Variants in ZXDC observed in about 807,000 individuals in gnomAD.
ZXDC encodes the protein ZXD family zinc finger C, also known as zinc finger protein ZXDC.
In ZXDC, 58 loss-of-function variants were observed where a neutral mutation model predicts 63.6. The ratio of observed to expected loss-of-function variants is 0.91; its 90% CI spans 0.74 to 1.13. ZXDC has a LOEUF of 1.13. Among genes scored for constraint, ZXDC ranks in the 50% most tolerant of loss-of-function variants. ZXDC has a pLI of 0.00. For missense variants in ZXDC, 1,133 were observed against 1,148.9 expected (o/e 0.99, Z 0.20); for synonymous variants, 561 against 496.1 (o/e 1.13, Z -1.74).
Position 126,439,683 on chromosome 3 carries a change from T to TGGGCCGC in ZXDC, c.2432_2438dup (p.Ala814ArgfsTer67), listed in dbSNP as rs1560086849. 3.2e-6 allele frequency: 5 copies of TGGGCCGC among 1,553,220 alleles called. No individual in the cohort carries two copies. Among genetic ancestry groups the TGGGCCGC allele is most frequent in the Non-Finnish European group, 4.4e-6 (5 of 1,147,674 alleles). Reference sequence around the variant, plus strand: ...CAGTGAGGAAGGGGAGGAAGGTGGCTGGGCCGCGGGCCGAGGGCAGGACAC... The same window carrying TGGGCCGC: ...CAGTGAGGAAGGGGAGGAAGGTGGCTGGGCCGCGGGCCGCGGGCCGAGGGCAGGACAC... On this transcript the variant is annotated frameshift_variant, in exon 9 of 10. Transcript: ENST00000389709. LOFTEE classifies it high-confidence loss of function.
chr3:126,462,368 T>A, intron 5 of ZXDC, 148 bp from the exon 6 acceptor site: 1 of 1,376,928 alleles, frequency 7.3e-7, no homozygotes, highest in Non-Finnish European at 9.5e-7. Flanking sequence ...CACGACAGAG[T>A]CCCATGGCCG....
intron 6 of ZXDC, 112 bp from the exon 7 acceptor site, chr3:126,459,849 A>G: frequency 6.3e-7 from 1 of 1,577,442 alleles, no homozygotes; most frequent in South Asian, 1.2e-5. Flanking sequence ...AGCTCCCAAA[A>G]CCAGAGTCAC....
intron 6 of ZXDC, chr3:126,460,479 C>T: frequency 1.0e-6 from 1 of 985,418 alleles, no homozygotes; most frequent in Non-Finnish European, 1.2e-6. Context: ...CAAGGTCTTG[C>T]TGGCTTCTCT....
intron 7 of ZXDC, chr3:126,450,225 C>T (rs1190041722): frequency 2.4e-6 from 1 of 414,604 alleles, no homozygotes; most frequent in Non-Finnish European, 4.9e-6. Flanking sequence ...TCACCCTTTA[C>T]CTGCCAGGGC....
At chr3:126,471,467 A>G (rs994516632) in intron 3 of ZXDC, among the ~76,000 whole-genome samples, 7 of 152,202 alleles carry the variant, frequency 4.6e-5, no homozygotes, top group Non-Finnish European at 4.4e-5. Context: ...CCTAAGTGAC[A>G]TTTTTATATT....
At position 126,453,841 on chromosome 3, in the gene ZXDC, AG is replaced by A. The variant is rs1934205347; in HGVS notation, c.2212+5811del. On this transcript the variant is annotated intron_variant, in intron 7 of 9. Transcript: ENST00000389709. ...TCCTGAGTAGCTGAGCTGGGATTAC[AG>A]GCATGAGCCACCGCGCCCAGCCTCG... 1.7e-5 allele frequency: 17 copies of A among 984,770 alleles called. No homozygotes were observed. The Admixed American group carries it at 1.0e-3, about 61-fold the overall frequency. The allele number at this position is 984,770 out of a possible 1,614,324, so 61.0% of individuals were successfully genotyped here. A position where few individuals can be genotyped will look rare whatever the true frequency, so the allele number is the denominator to read the frequency against.
chr3:126,475,043 C>T lies in ZXDC; in HGVS notation c.823G>A (p.Glu275Lys), dbSNP rs1337514826. 4.4e-6 allele frequency: 7 copies of T among 1,600,656 alleles called. No individual in the cohort carries two copies. In the East Asian group the frequency reaches 1.6e-4, roughly 36 times the overall value. Residue 275 changes from glutamate (E) to lysine (K), a missense_variant, in exon 1 of 10, where the codon GAG (glutamate) becomes AAG (lysine). Glu to Lys is a moderately conservative substitution (Grantham distance 56, BLOSUM62 1). Transcript: ENST00000389709. ...ESLFKCEVCAERFPTHAKLSS... is the reference protein window; with the variant it reads ...ESLFKCEVCAKRFPTHAKLSS... ...AGCTTGGCGTGCGTGGGGAAGCGCT[C>T]GGCGCACACCTCGCACTTGAACAGG...
intron 6 of ZXDC, chr3:126,461,172 C>G (rs113071350): frequency 2.0e-6 from 2 of 1,004,052 alleles, no homozygotes; most frequent in Non-Finnish European, 2.4e-6. Flanking sequence ...GCTTATGTCT[C>G]GACTCCTCTT....
At chr3:126,458,943 T>C in intron 7 of ZXDC, 1 of 982,250 alleles carries the variant, frequency 1.0e-6, no homozygotes, top group South Asian at 4.7e-5. Flanking sequence ...AAATAAGAAG[T>C]CATAATACTA....
chr3:126,475,578 G>T lies in ZXDC; in HGVS notation c.288C>A (p.Ala96=). The T allele has an allele frequency of 1.4e-6, 2 of 1,444,038 alleles. No homozygotes were observed. The highest frequency in any genetic ancestry group is 2.6e-5 in the South Asian group (2 of 75,874). The allele number at this position is 1,444,038 out of a possible 1,614,324, so 89.5% of individuals were successfully genotyped here. A position where few individuals can be genotyped will look rare whatever the true frequency, so the allele number is the denominator to read the frequency against. The change falls in exon 1 of 10, where the codon GCC becomes GCA. Residue 96 remains alanine, a synonymous_variant. Coordinates refer to ENST00000389709, the MANE Select transcript of ZXDC (RefSeq NM_025112.5). ...AAAEAAGSQE[A]EPGSRVNLAS... ...CCAGGTTGACACGGGAGCCAGGCTC[G>T]GCCTCCTGTGATCCGGCAGCCTCGG... is the stretch of plus-strand genomic sequence containing the variant.
chr3:126,451,246 T>C, intron 7 of ZXDC: 1 of 985,378 alleles, frequency 1.0e-6, no homozygotes, highest in Non-Finnish European at 1.2e-6. Context: ...CATGCATGCA[T>C]ATGTGTACTA....
intron 1 of ZXDC, among the ~76,000 whole-genome samples, chr3:126,474,029 G>A (rs544049998): frequency 2.8e-4 from 42 of 151,914 alleles, no homozygotes; most frequent in African/African-American, 1.0e-3. Context: ...AACAACTGCA[G>A]GTCAACACAC....
intron 7 of ZXDC, among the ~76,000 whole-genome samples, chr3:126,456,470 C>A (rs1006929257): frequency 1.9e-4 from 29 of 152,352 alleles, no homozygotes; most frequent in African/African-American, 6.7e-4. Context: ...CTCAGGTGGG[C>A]TTCCCTGGGG....
intron 7 of ZXDC, among the ~76,000 whole-genome samples, chr3:126,445,593 G>A (rs1183965473): frequency 6.6e-6 from 1 of 151,448 alleles, no homozygotes; most frequent in Non-Finnish European, 1.5e-5. Context: ...CCGTTTTTTG[G>A]CAAGCAGAAG....
At chr3:126,464,606 T>C (rs1934683332) in intron 5 of ZXDC, among the ~76,000 whole-genome samples, 1 of 152,034 alleles carries the variant, frequency 6.6e-6, no homozygotes, top group African/African-American at 2.4e-5. Context: ...CACATCCCAC[T>C]AGAGTTTAAG....
chr3:126,445,831 G>A (rs756911236), intron 7 of ZXDC, among the ~76,000 whole-genome samples: 5 of 152,060 alleles, frequency 3.3e-5, no homozygotes, highest in East Asian at 1.9e-4. Context: ...AATCCCTGAC[G>A]GTACACCCTG....
Position 126,475,761 on chromosome 3 carries a change from G to T in ZXDC, c.105C>A (p.Pro35=). 8.7e-7 allele frequency: 1 copy of T among 1,152,016 alleles called. No homozygotes were observed. Among genetic ancestry groups the T allele is most frequent in the Admixed American group, 4.8e-5 (1 of 20,772 alleles). 71.4% of individuals were successfully genotyped at this position (1,152,016 alleles called of 1,614,324 possible). A position where few individuals can be genotyped will look rare whatever the true frequency, so the allele number is the denominator to read the frequency against. ...RRAPAPLGAS[P]ARRRLLLVRG... Reference sequence around the variant, plus strand: ...GCACCAGTAGCAGGCGGCGGCGCGCGGGGCTCGCGCCGAGCGGCGCTGGGG... The same window carrying T: ...GCACCAGTAGCAGGCGGCGGCGCGCTGGGCTCGCGCCGAGCGGCGCTGGGG... The change falls in exon 1 of 10, where the codon CCC becomes CCA. Residue 35 remains proline (P), a synonymous_variant. Coordinates refer to ENST00000389709, the MANE Select transcript of ZXDC (RefSeq NM_025112.5).
chr3:126,446,648 C>T (rs886934810), intron 7 of ZXDC, among the ~76,000 whole-genome samples: 2 of 152,196 alleles, frequency 1.3e-5, no homozygotes, highest in Admixed American at 6.5e-5. Context: ...TGACTATTTT[C>T]CCAATTCTCC....
chr3:126,473,185 T>G (rs1381930499), intron 1 of ZXDC, among the ~76,000 whole-genome samples: 4 of 152,176 alleles, frequency 2.6e-5, no homozygotes, highest in African/African-American at 7.2e-5. Context: ...CCAGGGTATT[T>G]TGGGCTTCGG....
Sources: gnomAD v4.1 joint callset for allele counts (sites outside exome capture counted in the v4.1 genomes callset) on GRCh38, gnomAD v4.1.1 for gene constraint, MANE v1.5 for transcripts, NCBI Gene and HGNC (gene_info 2026-07-23, HGNC 2026-07-21) for gene names.